PTPRN2: variants seen among roughly 807,000 people sequenced by gnomAD.
PTPRN2 encodes the protein protein tyrosine phosphatase receptor type N2.
A neutral mutation model predicts 118.8 loss-of-function variants in PTPRN2; 74 were observed. The ratio of observed to expected loss-of-function variants is 0.62; its 90% confidence interval spans 0.52 to 0.76. PTPRN2 has a LOEUF of 0.76. PTPRN2 is among the 30% of genes least tolerant of loss of function. PTPRN2 has a pLI of 0.00. For synonymous variants in PTPRN2, 641 were observed against 608.0 expected (o/e 1.05, Z -0.80); for missense variants, 1,481 against 1,394.4 (o/e 1.06, Z -0.99).
intron 21 of PTPRN2, among the ~76,000 whole-genome samples, chr7:157,557,896 T>A (rs924688842): frequency 4.6e-5 from 7 of 151,500 alleles, no homozygotes; most frequent in African/African-American, 1.5e-4. Context: ...TGTAGAAGTG[T>A]ATGAATGAGT....
intron 12 of PTPRN2, among the ~76,000 whole-genome samples, chr7:157,803,579 A>G (rs1259098855): frequency 6.6e-6 from 1 of 152,100 alleles, no homozygotes; most frequent in African/African-American, 2.4e-5. Context: ...CTTATGTCTC[A>G]GTCTTTAGCC....
chr7:157,836,101 G>T (rs1807913093), intron 12 of PTPRN2, among the ~76,000 whole-genome samples: 1 of 152,142 alleles, frequency 6.6e-6, no homozygotes, highest in African/African-American at 2.4e-5. Flanking sequence ...GATTATCCCA[G>T]GAAGCAGAAC....
chr7:158,406,734 C>T (rs1021865658), intron 2 of PTPRN2, among the ~76,000 whole-genome samples: 3 of 152,238 alleles, frequency 2.0e-5, no homozygotes, highest in Non-Finnish European at 2.9e-5. Flanking sequence ...GGATAAGTGG[C>T]TGACTGCCTC....
At chr7:158,268,264 G>C (rs1294836660) in intron 3 of PTPRN2, among the ~76,000 whole-genome samples, 1 of 151,616 alleles carries the variant, frequency 6.6e-6, no homozygotes, top group Non-Finnish European at 1.5e-5. Flanking sequence ...ACAGAGCGGG[G>C]TGTGAAATAT....
intron 2 of PTPRN2, among the ~76,000 whole-genome samples, chr7:158,329,954 A>C (rs754443689): frequency 9.9e-5 from 15 of 151,908 alleles, no homozygotes; most frequent in Non-Finnish European, 2.1e-4. Context: ...CAAAATCCTC[A>C]GGTCTTGTAT....
At chr7:157,593,837 G>A (rs549134730) in intron 17 of PTPRN2, among the ~76,000 whole-genome samples, 1 of 152,212 alleles carries the variant, frequency 6.6e-6, no homozygotes, top group African/African-American at 2.4e-5. Flanking sequence ...CAAGTAGGGA[G>A]CCCAAGTGCC....
At chr7:158,184,840 C>G (rs1207853992) in intron 5 of PTPRN2, among the ~76,000 whole-genome samples, 1 of 152,102 alleles carries the variant, frequency 6.6e-6, no homozygotes, top group Non-Finnish European at 1.5e-5. Context: ...ATCTTCAATG[C>G]AGTGTTGAAT....
chr7:157,717,504 G>T (rs1056335311), intron 12 of PTPRN2, among the ~76,000 whole-genome samples: 1 of 152,262 alleles, frequency 6.6e-6, no homozygotes, highest in African/African-American at 2.4e-5. Context: ...GCAATTGACC[G>T]CGGAAGCCAG....
chr7:158,155,151 A>G (rs1036249499), intron 6 of PTPRN2, among the ~76,000 whole-genome samples: 1 of 152,220 alleles, frequency 6.6e-6, no homozygotes, highest in African/African-American at 2.4e-5. Context: ...AGGATATTAA[A>G]TGTGTAAAGC....
intron 3 of PTPRN2, among the ~76,000 whole-genome samples, chr7:158,235,943 C>A (rs1370903274): frequency 6.6e-6 from 1 of 152,178 alleles, no homozygotes; most frequent in Non-Finnish European, 1.5e-5. Context: ...CAGGAAGCAG[C>A]CGGTGTGACC....
chr7:158,501,497 CAGGCTG>C (rs567234535), intron 1 of PTPRN2, among the ~76,000 whole-genome samples: 2 of 152,230 alleles, frequency 1.3e-5, no homozygotes, highest in African/African-American at 4.8e-5. Context: ...GACACAACGC[CAGGCTG>C]AGGCTGAGGC....
At chr7:157,958,778 C>T (rs774537166) in intron 11 of PTPRN2, among the ~76,000 whole-genome samples, 1 of 152,170 alleles carries the variant, frequency 6.6e-6, no homozygotes, top group African/African-American at 2.4e-5. Context: ...GGAAAGACAT[C>T]CCATCTTCAC....
intron 12 of PTPRN2, among the ~76,000 whole-genome samples, chr7:157,872,258 G>A (rs1811121663): frequency 7.9e-6 from 1 of 126,078 alleles, no homozygotes; most frequent in Non-Finnish European, 1.6e-5. Flanking sequence ...CACATATCCA[G>A]TGTCCTCCCC....
intron 2 of PTPRN2, among the ~76,000 whole-genome samples, chr7:158,397,941 T>C (rs1812655641): frequency 6.6e-6 from 1 of 152,058 alleles, no homozygotes; most frequent in Admixed American, 6.5e-5. Flanking sequence ...GTGTGCATGA[T>C]AACAAGGAGT....
intron 11 of PTPRN2, among the ~76,000 whole-genome samples, chr7:157,994,750 T>TA (rs760701314): frequency 0.29 from 2,447 of 8,508 alleles, 862 homozygotes; most frequent in East Asian, 0.62. Context: ...TCCTTGTTCC[T>TA]AAATCAACGC....
At chr7:158,320,200 GC>G (rs138461847) in intron 2 of PTPRN2, among the ~76,000 whole-genome samples, 1 of 126,812 alleles carries the variant, frequency 7.9e-6, no homozygotes, top group African/African-American at 3.3e-5. Flanking sequence ...TACACACACA[GC>G]CTCCCTCACA....
chr7:157,558,168 T>C (rs1037705355), intron 21 of PTPRN2, among the ~76,000 whole-genome samples: 2 of 151,768 alleles, frequency 1.3e-5, no homozygotes, highest in Non-Finnish European at 2.9e-5. Context: ...ACGTGCACAT[T>C]GGTGCGACGC....
chr7:158,175,223 C>G (rs959569531), intron 5 of PTPRN2, among the ~76,000 whole-genome samples: 1 of 152,230 alleles, frequency 6.6e-6, no homozygotes, highest in African/African-American at 2.4e-5. Flanking sequence ...TGACAGGCAC[C>G]TTGATCACGG....
At position 158,070,734 on chromosome 7, in the gene PTPRN2, C is replaced by T. The variant is rs373201215; in HGVS notation, c.1723+10564G>A. ...GAGGTGCCTGTGGTGTGGAGGTGCC[C>T]GTGGTGGTGGAGGTGCCCGTGGTGG... On this transcript the variant is annotated intron_variant, in intron 11 of 22. Coordinates refer to ENST00000389418, the MANE Select transcript of PTPRN2 (RefSeq NM_002847.5). 2.2e-4 allele frequency among the ~76,000 whole-genome samples: 21 copies of T among 97,078 alleles called. No homozygotes were observed. The East Asian group carries it at 2.2e-3, about 10-fold the overall frequency. 63.7% of individuals were successfully genotyped at this position (97,078 alleles called of 152,430 possible).
Sources: gnomAD v4.1 joint callset for allele counts (sites outside exome capture counted in the v4.1 genomes callset) on GRCh38, gnomAD v4.1.1 for gene constraint, MANE v1.5 for transcripts, NCBI Gene and HGNC (gene_info 2026-07-23, HGNC 2026-07-21) for gene names.